Variants in RELN observed in about 807,000 individuals in gnomAD.
RELN encodes reelin.
A neutral mutation model predicts 427.6 loss-of-function variants in RELN; 108 were observed. That is an observed-to-expected ratio of 0.25 (90% CI 0.22 to 0.30). The LOEUF (loss-of-function observed/expected upper bound fraction) is 0.30. RELN is among the 10% of genes least tolerant of loss of function. RELN has a pLI of 1.00. For missense variants in RELN, 3,715 were observed against 4,302.8 expected, an observed-to-expected ratio of 0.86 and a Z score of 3.82; for synonymous variants, 1,524 against 1,513.4, an observed-to-expected ratio of 1.01 and a Z score of -0.16.
Position 103,573,774 on chromosome 7 carries a change from T to C in RELN, c.4511+318A>G, listed in dbSNP as rs1037740260. On this transcript the variant is annotated intron_variant, in intron 30 of 64. Coordinates refer to ENST00000428762, the MANE Select transcript of RELN (RefSeq NM_005045.4). The surrounding 1 kb of genome is among the most constrained non-coding windows in gnomAD (Gnocchi z 4.4). ...GAATGTAAGGTTGGAAAAATCTTTG[T>C]TTCACACGGCACATGCTAAGAATAA... 6.6e-6 allele frequency among the ~76,000 whole-genome samples: 1 copy of C among 152,190 alleles called. No homozygotes were observed. The highest frequency in any genetic ancestry group is 2.4e-5 in the African/African-American group (1 of 41,448).
rs1791750734 is a variant in RELN at position 103,776,663 on chromosome 7, G to A, written c.474-36C>T. ...ATAGGAAAAGGTTAATTCAACTCTT[G>A]TAATATGTTTGGTGAAAATGTATGT... is the stretch of plus-strand genomic sequence containing the variant. On this transcript the variant is annotated intron_variant, in intron 3 of 64. Coordinates refer to ENST00000428762, the MANE Select transcript of RELN (RefSeq NM_005045.4). 3.8e-6 allele frequency: 6 copies of A among 1,598,470 alleles called. No individual in the cohort carries two copies. In the Admixed American group the frequency reaches 5.0e-5, roughly 13 times the overall value.
chr7:103,604,829 T>TCC (rs1554389422), intron 22 of RELN, among the ~76,000 whole-genome samples: 1 of 109,572 alleles, frequency 9.1e-6, no homozygotes, highest in Non-Finnish European at 2.0e-5. Context: ...GAACCTATCT[T>TCC]TCTTTTTTTT....
intron 1 of RELN, among the ~76,000 whole-genome samples, chr7:103,944,749 T>C (rs1166771960): frequency 1.3e-5 from 2 of 152,154 alleles, no homozygotes; most frequent in African/African-American, 4.8e-5. Context: ...AATGGGGATC[T>C]TCAGCCACTC....
chr7:103,899,986 T>C (rs1795047467), intron 2 of RELN, among the ~76,000 whole-genome samples: 1 of 152,052 alleles, frequency 6.6e-6, no homozygotes, highest in South Asian at 2.1e-4. Flanking sequence ...GGTATTCAAT[T>C]AGGAAAAGAG....
At chr7:103,891,332 ATAC>A (rs1794844286) in intron 2 of RELN, among the ~76,000 whole-genome samples, 1 of 152,136 alleles carries the variant, frequency 6.6e-6, no homozygotes, top group South Asian at 2.1e-4. Flanking sequence ...ACAGCATATC[ATAC>A]TAATGTTCTG....
At chr7:103,741,610 A>G (rs1331788200) in intron 6 of RELN, among the ~76,000 whole-genome samples, 4 of 151,668 alleles carry the variant, frequency 2.6e-5, no homozygotes, top group African/African-American at 7.3e-5. Context: ...AGTGGGAGAG[A>G]AAAGAGAAGA....
At chr7:103,889,253 A>G (rs2116585047) in intron 2 of RELN, among the ~76,000 whole-genome samples, 1 of 152,276 alleles carries the variant, frequency 6.6e-6, no homozygotes, top group Middle Eastern at 3.4e-3. Context: ...TTCTGATATC[A>G]CACCTTTAGG....
chr7:103,732,516 T>C (rs1211611256), intron 6 of RELN, among the ~76,000 whole-genome samples: 3 of 152,088 alleles, frequency 2.0e-5, no homozygotes, highest in Admixed American at 2.0e-4. Context: ...TAAATCATAA[T>C]TTCATGATGA....
At chr7:103,698,188 A>C in intron 9 of RELN, 95 bp from the exon 10 acceptor site, 52 of 1,422,032 alleles carry the variant, frequency 3.7e-5, no homozygotes, top group Non-Finnish European at 4.7e-5. Flanking sequence ...TCATGATCTC[A>C]AGAATGTTAT....
At chr7:103,616,236 T>C (rs1208917447) in intron 20 of RELN, among the ~76,000 whole-genome samples, 2 of 152,172 alleles carry the variant, frequency 1.3e-5, no homozygotes, top group East Asian at 3.8e-4. Flanking sequence ...AGCTTATTTC[T>C]AGAGAAACAG....
At chr7:103,509,801 GA>G (rs113448600) in intron 51 of RELN, among the ~76,000 whole-genome samples, 7,955 of 148,396 alleles carry the variant, frequency 0.054, 394 homozygotes, top group African/African-American at 0.14. Context: ...AAATTTACAA[GA>G]AAAAAAAAAC....
At chr7:103,693,530 C>T (rs1460861675) in intron 10 of RELN, among the ~76,000 whole-genome samples, 1 of 137,142 alleles carries the variant, frequency 7.3e-6, no homozygotes, top group East Asian at 2.1e-4. Flanking sequence ...AGAACTATAA[C>T]AAAATCCAGC....
At chr7:103,710,861 T>C (rs934755001) in intron 8 of RELN, among the ~76,000 whole-genome samples, 3 of 152,134 alleles carry the variant, frequency 2.0e-5, no homozygotes, top group Admixed American at 6.5e-5. Flanking sequence ...CTGGCCAACA[T>C]GGTGAAACCC....
intron 2 of RELN, among the ~76,000 whole-genome samples, chr7:103,878,436 G>C (rs1015882012): frequency 1.3e-5 from 2 of 152,052 alleles, no homozygotes; most frequent in Non-Finnish European, 2.9e-5. Context: ...CCAACTTCTA[G>C]GTATACATAT....
chr7:103,800,784 T>C (rs1563021343), intron 3 of RELN, among the ~76,000 whole-genome samples: 3 of 152,274 alleles, frequency 2.0e-5, no homozygotes, highest in South Asian at 2.1e-4. Flanking sequence ...ACCATCAGAA[T>C]GAACAGGCAA....
At chr7:103,722,188 T>C (rs1037324659) in intron 8 of RELN, among the ~76,000 whole-genome samples, 3 of 152,130 alleles carry the variant, frequency 2.0e-5, no homozygotes, top group African/African-American at 4.8e-5. Flanking sequence ...GGCACAGTGA[T>C]GAAAAAGTGA....
intron 11 of RELN, among the ~76,000 whole-genome samples, chr7:103,677,405 TATA>T (rs370333905): frequency 0.18 from 24,082 of 134,124 alleles, 2,099 homozygotes; most frequent in East Asian, 0.23. Flanking sequence ...GAACTTAAAG[TATA>T]ATAATAATAA....
At chr7:103,721,199 C>T (rs2115898000) in intron 8 of RELN, among the ~76,000 whole-genome samples, 1 of 151,872 alleles carries the variant, frequency 6.6e-6, no homozygotes, top group Non-Finnish European at 1.5e-5. Context: ...TCATTTCCTT[C>T]CTCCCTCTTT....
At chr7:103,614,736 T>C (rs1415444841) in intron 20 of RELN, among the ~76,000 whole-genome samples, 4 of 152,208 alleles carry the variant, frequency 2.6e-5, no homozygotes. Flanking sequence ...TGTTGTAATC[T>C]AGAGCTGAAC....
Sources: gnomAD v4.1 joint callset for allele counts (sites outside exome capture counted in the v4.1 genomes callset) on GRCh38, gnomAD v4.1.1 for gene constraint, Gnocchi (gnomAD v3.1) non-coding constraint, MANE v1.5 for transcripts, NCBI Gene and HGNC (gene_info 2026-07-23, HGNC 2026-07-21) for gene names.